Variants in JAKMIP2 observed in about 807,000 individuals in gnomAD.
JAKMIP2 encodes the protein janus kinase and microtubule interacting protein 2, also known as janus kinase and microtubule-interacting protein 2.
A neutral mutation model predicts 115.0 loss-of-function variants in JAKMIP2; 25 were observed. The observed-to-expected ratio is 0.22, with a 90% CI of 0.16 to 0.30. The LOEUF (loss-of-function observed/expected upper bound fraction) is 0.30. Among genes scored for constraint, JAKMIP2 ranks in the 10% least tolerant of loss-of-function variants. The pLI is 1.00. For missense variants in JAKMIP2, 642 were observed against 957.6 expected, an observed-to-expected ratio of 0.67 and a Z score of 4.35; for synonymous variants, 334 against 343.6, an observed-to-expected ratio of 0.97 and a Z score of 0.31.
intron 1 of JAKMIP2, among the ~76,000 whole-genome samples, chr5:147,737,631 A>G (rs951715313): frequency 3.9e-5 from 6 of 152,204 alleles, no homozygotes; most frequent in African/African-American, 1.4e-4. Context: ...AGATTGATTA[A>G]GTTGGGTGGT....
chr5:147,614,548 G>A (rs747684246), intron 19 of JAKMIP2, among the ~76,000 whole-genome samples: 1 of 152,118 alleles, frequency 6.6e-6, no homozygotes, highest in Non-Finnish European at 1.5e-5. Flanking sequence ...GTCAGGGCTG[G>A]TGTGGCAGCT....
Position 147,742,155 on chromosome 5 carries a change from A to ATATATATATATATATATATATATTTTT in JAKMIP2, c.-149+40300_-149+40301insAAAAATATATATATATATATATATATA. Among the ~76,000 whole-genome samples, 333 of 108,622 alleles carry ATATATATATATATATATATATATTTTT rather than the reference A, an allele frequency of 3.1e-3. 11 individuals are homozygous for ATATATATATATATATATATATATTTTT. Among genetic ancestry groups the ATATATATATATATATATATATATTTTT allele is most frequent in the East Asian group, 0.026 (80 of 3,020 alleles). The allele number at this position is 108,622 out of a possible 152,430, so 71.3% of individuals were successfully genotyped here. On this transcript the variant is annotated intron_variant, in intron 1 of 21. Coordinates refer to ENST00000616793, the MANE Select transcript of JAKMIP2 (RefSeq NM_001270941.2). ...TGTGGATCATTATATATATATATAT[A>ATATATATATATATATATATATATTTTT]TTTTTTTTACTATTGTATTGTATCT... is the stretch of plus-strand genomic sequence containing the variant.
At chr5:147,685,540 A>G (rs7712549) in intron 1 of JAKMIP2, among the ~76,000 whole-genome samples, 45,015 of 152,072 alleles carry the variant, frequency 0.3, 7,778 homozygotes, top group African/African-American at 0.48. Context: ...TCCGGAGCCT[A>G]TAAGCCCAAC....
chr5:147,771,945 A>G (rs1397524491), intron 1 of JAKMIP2, among the ~76,000 whole-genome samples: 1 of 152,038 alleles, frequency 6.6e-6, no homozygotes, highest in African/African-American at 2.4e-5. Context: ...CTACCACCAA[A>G]AAGAAAAATC....
intron 1 of JAKMIP2, among the ~76,000 whole-genome samples, chr5:147,750,134 C>T (rs957167773): frequency 3.3e-5 from 5 of 152,158 alleles, no homozygotes; most frequent in South Asian, 2.1e-4. Flanking sequence ...AGCAATTACA[C>T]GTCTAGATCT....
chr5:147,655,315 T>G (rs184402841), intron 3 of JAKMIP2, among the ~76,000 whole-genome samples: 1 of 152,174 alleles, frequency 6.6e-6, no homozygotes. Context: ...AATTCAGCTA[T>G]GAATCTGTCT....
In JAKMIP2 at chr5:147,685,731, T is replaced by C. The variant is rs1034314935; in HGVS notation, c.-148-13777A>G. 1.2e-3 allele frequency among the ~76,000 whole-genome samples: 176 copies of C among 152,328 alleles called. 2 individuals carry two copies. Among genetic ancestry groups the C allele is most frequent in the African/African-American group, 4.1e-3 (171 of 41,576 alleles). ...AAATAAACTTCAACATAATGTGATG[T>C]AAGGCATTTAAAATGAAGTAGATAG... is the stretch of plus-strand genomic sequence containing the variant. On this transcript the variant is annotated intron_variant, in intron 1 of 21. Transcript: ENST00000616793.
rs553838055 is a variant in JAKMIP2, at chr5:147,598,164, C to T, written c.*20+3577G>A. On this transcript the variant is annotated intron_variant, in intron 21 of 21. Transcript: ENST00000616793. ...TACAGGCGCCCGCCACCACGCCTGG[C>T]TAATTTTTGTATTTTTATTAGAGAC... Among the ~76,000 whole-genome samples the T allele has an allele frequency of 1.4e-4, 22 of 152,182 alleles. No individual in the cohort carries two copies. In the South Asian group the frequency reaches 3.1e-3, roughly 22 times the overall value.
intron 1 of JAKMIP2, among the ~76,000 whole-genome samples, chr5:147,751,255 T>C (rs1040461895): frequency 3.0e-5 from 4 of 133,692 alleles, no homozygotes; most frequent in African/African-American, 1.2e-4. Flanking sequence ...TTTTTGTTGT[T>C]GTTTTTTTTT....
intron 1 of JAKMIP2, among the ~76,000 whole-genome samples, chr5:147,731,535 C>T (rs1264013187): frequency 6.6e-6 from 1 of 152,122 alleles, no homozygotes; most frequent in Non-Finnish European, 1.5e-5. Context: ...TACTTAAGTT[C>T]GTGATCTCTT....
chr5:147,748,652 A>G (rs1422754534), intron 1 of JAKMIP2, among the ~76,000 whole-genome samples: 1 of 152,168 alleles, frequency 6.6e-6, no homozygotes, highest in East Asian at 1.9e-4. Flanking sequence ...TTGTCACCAC[A>G]TGTACAATAA....
At chr5:147,777,065 C>A (rs1242054217) in intron 1 of JAKMIP2, among the ~76,000 whole-genome samples, 1 of 152,100 alleles carries the variant, frequency 6.6e-6, no homozygotes, top group Non-Finnish European at 1.5e-5. Context: ...GATATATGCA[C>A]CTGGTGAAAC....
intron 3 of JAKMIP2, among the ~76,000 whole-genome samples, chr5:147,652,082 T>A (rs1381489057): frequency 1.3e-5 from 2 of 152,156 alleles, no homozygotes; most frequent in Admixed American, 1.3e-4. Flanking sequence ...CAGCTGAAAT[T>A]TATTGATCTT....
intron 21 of JAKMIP2, among the ~76,000 whole-genome samples, chr5:147,600,645 C>T (rs1000753661): frequency 2.0e-5 from 3 of 152,130 alleles, no homozygotes; most frequent in African/African-American, 4.8e-5. Flanking sequence ...CCTATTTGGC[C>T]GGCCATCAGA....
chr5:147,739,142 G>C (rs1754044011), intron 1 of JAKMIP2, among the ~76,000 whole-genome samples: 1 of 152,024 alleles, frequency 6.6e-6, no homozygotes, highest in Non-Finnish European at 1.5e-5. Context: ...AGCCTGCTGG[G>C]GAAAGCTTAA....
intron 15 of JAKMIP2, among the ~76,000 whole-genome samples, chr5:147,629,423 CT>C (rs1334955689): frequency 6.6e-6 from 1 of 152,118 alleles, no homozygotes; most frequent in Non-Finnish European, 1.5e-5. Flanking sequence ...CAATAATTAG[CT>C]TTACTTATTG....
chr5:147,635,960 T>C (rs1757597724), intron 12 of JAKMIP2, among the ~76,000 whole-genome samples: 1 of 152,154 alleles, frequency 6.6e-6, no homozygotes, highest in African/African-American at 2.4e-5. Context: ...ACAGTGTATA[T>C]GGTTAGCAAA....
At chr5:147,759,704 A>G (rs1580888021) in intron 1 of JAKMIP2, among the ~76,000 whole-genome samples, 1 of 152,160 alleles carries the variant, frequency 6.6e-6, no homozygotes, top group East Asian at 1.9e-4. Flanking sequence ...GGTAAGGAGA[A>G]GTGCAAGTCA....
At chr5:147,672,050 C>A in intron 1 of JAKMIP2, 96 bp from the exon 2 acceptor site, 1 of 825,220 alleles carries the variant, frequency 1.2e-6, no homozygotes, top group Non-Finnish European at 1.6e-6. Context: ...GTAAGAGCCT[C>A]CTCCTGAGGC....
Sources: allele counts gnomAD v4.1 joint callset (sites outside exome capture counted in the v4.1 genomes callset), GRCh38; gene constraint gnomAD v4.1.1; transcripts MANE v1.5; gene names NCBI Gene and HGNC (gene_info 2026-07-23, HGNC 2026-07-21).